Variants in DNM3 observed in about 807,000 individuals in gnomAD.
DNM3 encodes dynamin-3.
In DNM3, 47 loss-of-function variants were observed where a neutral mutation model predicts 101.6. That is an observed-to-expected ratio of 0.46 (90% CI 0.37 to 0.59). The LOEUF (loss-of-function observed/expected upper bound fraction) is 0.59, where lower values mean the gene tolerates loss of function less well. Among genes scored for constraint, DNM3 ranks in the 20% least tolerant of loss-of-function variants. The pLI, the probability that DNM3 is intolerant of heterozygous loss-of-function variation, is 0.00. For missense variants in DNM3, 849 were observed against 1,085.7 expected (o/e 0.78, Z 3.06); for synonymous variants, 385 against 387.9 (o/e 0.99, Z 0.09).
chr1:172,166,017 G>C (rs2058730867), intron 14 of DNM3, among the ~76,000 whole-genome samples: 1 of 151,960 alleles, frequency 6.6e-6, no homozygotes, highest in Non-Finnish European at 1.5e-5. Context: ...GGCCAGCTTA[G>C]AGGGTCTCTC....
At chr1:172,067,989 G>C (rs2051831637) in intron 10 of DNM3, among the ~76,000 whole-genome samples, 1 of 152,134 alleles carries the variant, frequency 6.6e-6, no homozygotes, top group Non-Finnish European at 1.5e-5. Context: ...GTTTAGTCAT[G>C]GGCATGAGTT....
intron 15 of DNM3, among the ~76,000 whole-genome samples, chr1:172,303,858 T>C (rs2064610281): frequency 6.6e-6 from 1 of 152,064 alleles, no homozygotes; most frequent in African/African-American, 2.4e-5. Context: ...CAGACCTGCC[T>C]TATAAGAGCT....
At chr1:172,050,872 T>C (rs1165914472) in intron 10 of DNM3, among the ~76,000 whole-genome samples, 1 of 152,022 alleles carries the variant, frequency 6.6e-6, no homozygotes, top group Non-Finnish European at 1.5e-5. Flanking sequence ...GTTTATGGTA[T>C]GCATGAATCT....
intron 2 of DNM3, among the ~76,000 whole-genome samples, chr1:171,973,618 A>G (rs1449041971): frequency 2.0e-5 from 3 of 151,792 alleles, no homozygotes; most frequent in Non-Finnish European, 4.4e-5. Flanking sequence ...GTAATTTCTC[A>G]GTCTTGTGAT....
At chr1:172,060,158 C>G (rs2051050921) in intron 10 of DNM3, among the ~76,000 whole-genome samples, 1 of 143,520 alleles carries the variant, frequency 7.0e-6, no homozygotes, top group Admixed American at 7.0e-5. Context: ...AGGACCTCTT[C>G]AAGGAGAACT....
chr1:171,872,306 T>A (rs542108070), intron 1 of DNM3, among the ~76,000 whole-genome samples: 1 of 152,320 alleles, frequency 6.6e-6, no homozygotes, highest in East Asian at 1.9e-4. Context: ...AAAAAGCTTC[T>A]TTGTTATCTC....
At chr1:172,223,921 A>G (rs944280614) in intron 14 of DNM3, among the ~76,000 whole-genome samples, 2 of 151,300 alleles carry the variant, frequency 1.3e-5, no homozygotes, top group African/African-American at 4.9e-5. Flanking sequence ...CCAACACTCC[A>G]GTTACCTTAG....
At chr1:172,104,400 A>G (rs1444826402) in intron 13 of DNM3, among the ~76,000 whole-genome samples, 2 of 152,052 alleles carry the variant, frequency 1.3e-5, no homozygotes, top group Admixed American at 1.3e-4. Flanking sequence ...AACCACAGTT[A>G]CTTATGTCTA....
chr1:172,169,863 T>C (rs1415007715), intron 14 of DNM3, among the ~76,000 whole-genome samples: 1 of 151,930 alleles, frequency 6.6e-6, no homozygotes, highest in Non-Finnish European at 1.5e-5. Context: ...TATCCATAAT[T>C]TTGTTTCTTT....
At chr1:171,885,797 T>A (rs2036707663) in intron 1 of DNM3, among the ~76,000 whole-genome samples, 1 of 152,166 alleles carries the variant, frequency 6.6e-6, no homozygotes, top group Non-Finnish European at 1.5e-5. Context: ...AAAGGCAGAC[T>A]CTACCAGTGT....
chr1:172,186,831 T>C (rs2059544115), intron 14 of DNM3, among the ~76,000 whole-genome samples: 1 of 152,138 alleles, frequency 6.6e-6, no homozygotes, highest in African/African-American at 2.4e-5. Flanking sequence ...CTTAGGCTAT[T>C]GCACACATTC....
chr1:172,020,887 C>A (rs1442043586), intron 4 of DNM3, among the ~76,000 whole-genome samples: 1 of 152,180 alleles, frequency 6.6e-6, no homozygotes, highest in Non-Finnish European at 1.5e-5. Context: ...AGCTCATCCA[C>A]TCTGAGCCTT....
chr1:172,109,014 ATTAT>A (rs1388915732), intron 13 of DNM3, among the ~76,000 whole-genome samples: 1 of 152,244 alleles, frequency 6.6e-6, no homozygotes, highest in Non-Finnish European at 1.5e-5. Context: ...GCCTATAATT[ATTAT>A]TTGTTTGCAC....
At chr1:172,017,052 T>C (rs1322518918) in intron 4 of DNM3, among the ~76,000 whole-genome samples, 1 of 152,168 alleles carries the variant, frequency 6.6e-6, no homozygotes, top group African/African-American at 2.4e-5. Context: ...TATTCTCTTA[T>C]TATTCTTTTA....
intron 16 of DNM3, chr1:172,310,552 G>C (rs187665923): frequency 6.6e-6 from 1 of 152,230 alleles, no homozygotes; most frequent in Non-Finnish European, 1.5e-5. Flanking sequence ...ATGAGGGAAG[G>C]CCTCTTTGAA....
At chr1:172,383,965 A>T (rs1191203700) in intron 18 of DNM3, among the ~76,000 whole-genome samples, 3 of 152,208 alleles carry the variant, frequency 2.0e-5, no homozygotes, top group Non-Finnish European at 2.9e-5. Context: ...TCACTTTGTT[A>T]TGTTAGGTGA....
At chr1:172,141,288 A>AG (rs2057564280) in intron 14 of DNM3, among the ~76,000 whole-genome samples, 1 of 152,136 alleles carries the variant, frequency 6.6e-6, no homozygotes, top group South Asian at 2.1e-4. Context: ...GAAAGTAAGA[A>AG]GGGATTTGAA....
intron 14 of DNM3, among the ~76,000 whole-genome samples, chr1:172,218,599 A>G (rs1006755273): frequency 6.6e-6 from 1 of 152,136 alleles, no homozygotes; most frequent in Non-Finnish European, 1.5e-5. Context: ...TATATGATAT[A>G]TACAAAATAT....
chr1:172,045,834 T>C (rs1395754968), intron 9 of DNM3, among the ~76,000 whole-genome samples: 1 of 152,222 alleles, frequency 6.6e-6, no homozygotes, highest in Non-Finnish European at 1.5e-5. Flanking sequence ...GTTGAGACTG[T>C]GCTGGGAACA....
Sources: gnomAD v4.1 joint callset for allele counts (sites outside exome capture counted in the v4.1 genomes callset) on GRCh38, gnomAD v4.1.1 for gene constraint, MANE v1.5 for transcripts, NCBI Gene and HGNC (gene_info 2026-07-23, HGNC 2026-07-21) for gene names.